Variants in ZNF589 observed in about 807,000 individuals in gnomAD.
ZNF589 encodes the protein zinc finger protein 589.
ZNF589 carries 17 observed loss-of-function variants against 13.6 expected under a neutral mutation model. The ratio of observed to expected loss-of-function variants is 1.25; its 90% CI spans 0.86 to 1.88. ZNF589 has a LOEUF of 1.88. Ranked by LOEUF, ZNF589 falls within the 40% of genes most tolerant of loss-of-function variation. The pLI is 0.00. For synonymous variants in ZNF589, 148 were observed against 161.6 expected (o/e 0.92, Z 0.64); for missense variants, 407 against 434.0 (o/e 0.94, Z 0.55).
intron 2 of ZNF589, among the ~76,000 whole-genome samples, chr3:48,251,208 GA>G (rs1378320206): frequency 6.6e-6 from 1 of 152,164 alleles, no homozygotes; most frequent in Admixed American, 6.6e-5. Flanking sequence ...CAGAGTGGAA[GA>G]GACTGAGCCT....
intron 3 of ZNF589, among the ~76,000 whole-genome samples, chr3:48,267,159 G>A (rs2034027097): frequency 6.6e-6 from 1 of 152,210 alleles, no homozygotes; most frequent in Admixed American, 6.5e-5. Flanking sequence ...AGGCACAACT[G>A]ACTTAAAGAA....
intron 2 of ZNF589, chr3:48,256,401 G>A: frequency 1.8e-6 from 1 of 567,650 alleles, no homozygotes; most frequent in Non-Finnish European, 3.4e-6. Flanking sequence ...CCCTCAGGAG[G>A]GTTGACCCCA....
chr3:48,241,106 G>A lies in ZNF589; in HGVS notation c.-66G>A. ...TGGCGCCGCCAGTGGCCCGCGGTGC[G>A]CATTCTAATCCGTTTCACACACGGT... On this transcript the variant is annotated 5_prime_UTR_variant, in exon 1 of 4. Transcript: ENST00000354698. The A allele has an allele frequency of 1.2e-6, 2 of 1,601,064 alleles. No individual in the cohort carries two copies. Among genetic ancestry groups the A allele is most frequent in the East Asian group, 2.2e-5 (1 of 44,754 alleles).
At chr3:48,259,220 T>G (rs951329184) in intron 2 of ZNF589, among the ~76,000 whole-genome samples, 3 of 152,216 alleles carry the variant, frequency 2.0e-5, no homozygotes, top group Admixed American at 6.5e-5. Context: ...CTGCTGGCTA[T>G]AGATGTGACA....
chr3:48,258,030 T>A lies in ZNF589; in HGVS notation c.97-2783T>A, dbSNP rs867540516. ...TCTAGTTTCTTTGCCTTATCATATATATTAGGATAAGTTGTCTATATCTAC... is the reference window on the plus strand; with the variant it reads ...TCTAGTTTCTTTGCCTTATCATATAAATTAGGATAAGTTGTCTATATCTAC... On this transcript the variant is annotated intron_variant, in intron 2 of 3. Coordinates refer to ENST00000354698, the MANE Select transcript of ZNF589 (RefSeq NM_016089.3). 42 of 396,910 alleles carry A rather than the reference T, an allele frequency of 1.1e-4. 1 individual carries two copies. The Middle Eastern group carries it at 2.1e-3, about 20-fold the overall frequency. 24.6% of individuals were successfully genotyped at this position (396,910 alleles called of 1,614,324 possible). A position where few individuals can be genotyped will look rare whatever the true frequency, so the allele number is the denominator to read the frequency against.
chr3:48,241,284 C>A (rs544130792), intron 1 of ZNF589, 70 bp downstream of exon 1: 2 of 1,578,018 alleles, frequency 1.3e-6, no homozygotes, highest in Non-Finnish European at 1.7e-6. Context: ...AGGCGTCGGC[C>A]GTATCCACCA....
At chr3:48,264,786 G>A (rs572797471) in intron 3 of ZNF589, among the ~76,000 whole-genome samples, 9 of 151,138 alleles carry the variant, frequency 6.0e-5, no homozygotes, top group Non-Finnish European at 1.3e-4. Context: ...CCAGGATCAC[G>A]CCACTGCACT....
chr3:48,270,473 C>G lies in ZNF589; in HGVS notation c.*1687C>G, dbSNP rs1018540257. 1.7e-5 allele frequency: 6 copies of G among 356,318 alleles called. No homozygotes were observed. The highest frequency in any genetic ancestry group is 3.3e-5 in the Non-Finnish European group (6 of 182,050). The allele number at this position is 356,318 out of a possible 1,614,324, so 22.1% of individuals were successfully genotyped here. A position where few individuals can be genotyped will look rare whatever the true frequency, so the allele number is the denominator to read the frequency against. On this transcript the variant is annotated 3_prime_UTR_variant, in exon 4 of 4. Transcript: ENST00000354698. The stretch of plus-strand genomic sequence containing the variant: ...TAGCCATGCTCGGGTGGCTAAATTA[C>G]ATCCAGGAATGGTGCCAGGGCCTTT...
At position 48,268,810 on chromosome 3, in the gene ZNF589, A is replaced by G. The variant is rs754922110; in HGVS notation, c.*24A>G. 9 of 1,595,896 alleles carry G rather than the reference A, an allele frequency of 5.6e-6. No homozygotes were observed. Among genetic ancestry groups the G allele is most frequent in the Admixed American group, 1.7e-5 (1 of 58,556 alleles). ...GAGGCCGAGGCTTTGTAAGGAGATC[A>G]TGTCTCAACACACACCAGAGGATAC... is the stretch of plus-strand genomic sequence containing the variant. On this transcript the variant is annotated 3_prime_UTR_variant, in exon 4 of 4. Coordinates refer to ENST00000354698, the MANE Select transcript of ZNF589 (RefSeq NM_016089.3).
intron 2 of ZNF589, among the ~76,000 whole-genome samples, chr3:48,255,203 T>C (rs2033885182): frequency 6.6e-6 from 1 of 151,726 alleles, no homozygotes. Context: ...TTTAAGACAG[T>C]CTCACTCTAC....
chr3:48,253,065 C>T (rs969699837), intron 2 of ZNF589, among the ~76,000 whole-genome samples: 20 of 152,056 alleles, frequency 1.3e-4, no homozygotes, highest in African/African-American at 4.6e-4. Context: ...CAGAAGATCC[C>T]TCTGTTTCCC....
At chr3:48,241,496 G>C (rs571884149) in intron 1 of ZNF589, among the ~76,000 whole-genome samples, 1 of 152,360 alleles carries the variant, frequency 6.6e-6, no homozygotes, top group South Asian at 2.1e-4. Flanking sequence ...GAGATGTGTG[G>C]AGTGCAACTG....
intron 2 of ZNF589, among the ~76,000 whole-genome samples, chr3:48,258,813 T>C (rs2033936776): frequency 6.6e-6 from 1 of 152,184 alleles, no homozygotes; most frequent in Non-Finnish European, 1.5e-5. Flanking sequence ...GATTTGGACT[T>C]GTGCGGTCTG....
chr3:48,270,519 A>C lies in ZNF589; in HGVS notation c.*1733A>C. 2.9e-6 allele frequency: 1 copy of C among 340,234 alleles called. No individual in the cohort carries two copies. The highest frequency in any genetic ancestry group is 5.8e-6 in the Non-Finnish European group (1 of 173,500). The allele number at this position is 340,234 out of a possible 1,614,324, so 21.1% of individuals were successfully genotyped here. On this transcript the variant is annotated 3_prime_UTR_variant, in exon 4 of 4. Coordinates refer to ENST00000354698, the MANE Select transcript of ZNF589 (RefSeq NM_016089.3). ...CCTTTAGCCATTTGTCTCTCCTCAC[A>C]CTCCAGGGCCCATATGGCCCAGGTT...
intron 2 of ZNF589, among the ~76,000 whole-genome samples, chr3:48,259,724 A>C (rs1419897034): frequency 6.6e-6 from 1 of 152,136 alleles, no homozygotes; most frequent in Non-Finnish European, 1.5e-5. Flanking sequence ...TAGCCTGGCC[A>C]ACATGGTGAA....
intron 2 of ZNF589, among the ~76,000 whole-genome samples, chr3:48,255,341 A>T (rs893441293): frequency 6.6e-6 from 1 of 151,284 alleles, no homozygotes; most frequent in Admixed American, 6.6e-5. Flanking sequence ...ACGCCCAGCT[A>T]ATTTTTGTAT....
At chr3:48,247,115 C>T (rs1454665215) in intron 1 of ZNF589, among the ~76,000 whole-genome samples, 1 of 152,002 alleles carries the variant, frequency 6.6e-6, no homozygotes, top group African/African-American at 2.4e-5. Flanking sequence ...GGATTATAGG[C>T]GTGCACTACC....
chr3:48,260,902 A>G lies in ZNF589; in HGVS notation c.186A>G (p.Glu62=). 1 of 1,614,180 alleles carries G rather than the reference A, an allele frequency of 6.2e-7. No homozygotes were observed. The highest frequency in any genetic ancestry group is 8.5e-7 in the Non-Finnish European group (1 of 1,180,034). ...LSLEQRNLYK[E]VMLENLRNLV... ...TTGAGCAGAGGAACCTATACAAAGA[A>G]GTGATGCTGGAAAATCTCAGGAATC... Residue 62 remains glutamate, a synonymous_variant, in exon 3 of 4, where the codon GAA becomes GAG. Transcript: ENST00000354698.
intron 3 of ZNF589, among the ~76,000 whole-genome samples, chr3:48,264,828 A>T (rs763142491): frequency 1.3e-5 from 2 of 152,100 alleles, no homozygotes; most frequent in Non-Finnish European, 2.9e-5. Flanking sequence ...CTGTCTCAAA[A>T]AAATAAATAA....
Sources: allele counts gnomAD v4.1 joint callset (sites outside exome capture counted in the v4.1 genomes callset), GRCh38; gene constraint gnomAD v4.1.1; transcripts MANE v1.5; gene names NCBI Gene and HGNC (gene_info 2026-07-23, HGNC 2026-07-21).